LRRC4C: variants seen among roughly 807,000 people sequenced by gnomAD.
LRRC4C encodes leucine-rich repeat-containing protein 4C.
In LRRC4C, 5 loss-of-function variants were observed where a neutral mutation model predicts 33.6. That is an observed-to-expected ratio of 0.15 (90% CI 0.08 to 0.31). The LOEUF is 0.31. Among genes scored for constraint, LRRC4C ranks in the 10% least tolerant of loss-of-function variants. LRRC4C has a pLI of 1.00. For synonymous variants in LRRC4C, 329 were observed against 302.0 expected, an observed-to-expected ratio of 1.09 and a Z score of -0.93; for missense variants, 560 against 796.7, an observed-to-expected ratio of 0.70 and a Z score of 3.58.
At chr11:40,895,452 G>A (rs113961399) in intron 2 of LRRC4C, among the ~76,000 whole-genome samples, 11 of 151,994 alleles carry the variant, frequency 7.2e-5, no homozygotes, top group East Asian at 1.9e-4. Flanking sequence ...ACATCCTATC[G>A]CTTTTGCAGA....
intron 2 of LRRC4C, among the ~76,000 whole-genome samples, chr11:40,685,217 G>A (rs1211088470): frequency 6.6e-6 from 1 of 151,920 alleles, no homozygotes; most frequent in East Asian, 1.9e-4. Context: ...TTCTTTGAAG[G>A]CCAAATTATT....
At chr11:40,199,358 A>T (rs1436536747) in intron 5 of LRRC4C, among the ~76,000 whole-genome samples, 1 of 152,208 alleles carries the variant, frequency 6.6e-6, no homozygotes, top group Non-Finnish European at 1.5e-5. Context: ...GTAGTGAACC[A>T]CTGCGCCCAG....
intron 3 of LRRC4C, among the ~76,000 whole-genome samples, chr11:40,388,935 G>A (rs1018791131): frequency 2.6e-5 from 4 of 152,076 alleles, no homozygotes; most frequent in African/African-American, 9.7e-5. Context: ...AGTTCAATGT[G>A]TTTATTTTGT....
At chr11:41,351,320 A>G (rs1425934790) in intron 1 of LRRC4C, among the ~76,000 whole-genome samples, 1 of 152,128 alleles carries the variant, frequency 6.6e-6, no homozygotes, top group Admixed American at 6.6e-5. Context: ...ATGGGGAAAA[A>G]AGCCTCTGGG....
chr11:40,599,135 C>T lies in LRRC4C; in HGVS notation c.-270+49007G>A, dbSNP rs78719913. ...TTTACTTAGACAGCCCTTCATGTTA[C>T]AGCTCAAATGTCCCCTCAGAAGGGC... On this transcript the variant is annotated intron_variant, in intron 3 of 6. Transcript: ENST00000528697. Among the ~76,000 whole-genome samples the T allele has an allele frequency of 7.7e-3, 1,166 of 152,154 alleles. 12 individuals carry two copies. The highest frequency in any genetic ancestry group is 0.026 in the African/African-American group (1,086 of 41,514).
chr11:40,491,630 T>G (rs1954161541), intron 3 of LRRC4C, among the ~76,000 whole-genome samples: 1 of 152,190 alleles, frequency 6.6e-6, no homozygotes, highest in South Asian at 2.1e-4. Flanking sequence ...ATTTGATTCT[T>G]CAAGGATAAT....
intron 1 of LRRC4C, among the ~76,000 whole-genome samples, chr11:41,165,056 C>T (rs1015681330): frequency 5.3e-5 from 8 of 152,146 alleles, no homozygotes; most frequent in Admixed American, 3.9e-4. Flanking sequence ...GTGCTTAGTG[C>T]AACGTGACGT....
chr11:40,458,287 G>C (rs1440122), intron 3 of LRRC4C, among the ~76,000 whole-genome samples: 2,477 of 152,110 alleles, frequency 0.016, 78 homozygotes, highest in African/African-American at 0.056. Flanking sequence ...TCATATATAC[G>C]TATAATCATA....
intron 4 of LRRC4C, among the ~76,000 whole-genome samples, chr11:40,263,153 T>C (rs879422978): frequency 6.6e-6 from 1 of 152,086 alleles, no homozygotes; most frequent in Non-Finnish European, 1.5e-5. Flanking sequence ...CTAATTCTTA[T>C]AGTAGTGATT....
chr11:40,598,834 G>T (rs1267465516), intron 3 of LRRC4C, among the ~76,000 whole-genome samples: 3 of 152,070 alleles, frequency 2.0e-5, no homozygotes, highest in Non-Finnish European at 4.4e-5. Flanking sequence ...AACACAGAAG[G>T]TGCTCTCACC....
chr11:41,042,793 A>G (rs984143309), intron 1 of LRRC4C, among the ~76,000 whole-genome samples: 1 of 152,052 alleles, frequency 6.6e-6, no homozygotes, highest in African/African-American at 2.4e-5. Context: ...AAATGTTTCT[A>G]TCTTGCATTA....
At chr11:40,275,285 T>C (rs1943019979) in intron 4 of LRRC4C, among the ~76,000 whole-genome samples, 1 of 151,638 alleles carries the variant, frequency 6.6e-6, no homozygotes, top group Admixed American at 6.5e-5. Flanking sequence ...TTGCTGCATA[T>C]TAGAATAATA....
At chr11:41,025,743 A>G (rs1856299953) in intron 1 of LRRC4C, among the ~76,000 whole-genome samples, 1 of 151,770 alleles carries the variant, frequency 6.6e-6, no homozygotes, top group African/African-American at 2.4e-5. Flanking sequence ...TGTCAAGGAG[A>G]CAGCCTTATA....
At chr11:41,237,731 G>A (rs902498085) in intron 1 of LRRC4C, among the ~76,000 whole-genome samples, 2 of 152,052 alleles carry the variant, frequency 1.3e-5, no homozygotes, top group African/African-American at 4.8e-5. Context: ...CCAATTCACG[G>A]TGACTTTTTC....
chr11:40,861,880 A>G (rs1267567894), intron 2 of LRRC4C, among the ~76,000 whole-genome samples: 3 of 152,130 alleles, frequency 2.0e-5, no homozygotes, highest in Non-Finnish European at 4.4e-5. Context: ...CTTTAAACAA[A>G]CAGTTCTCAG....
At chr11:40,805,208 T>G (rs893455670) in intron 2 of LRRC4C, among the ~76,000 whole-genome samples, 1 of 152,158 alleles carries the variant, frequency 6.6e-6, no homozygotes, top group African/African-American at 2.4e-5. Context: ...GTTTGCTGAG[T>G]GGCTGAGATT....
intron 2 of LRRC4C, among the ~76,000 whole-genome samples, chr11:40,887,965 AG>A (rs1955538079): frequency 6.6e-6 from 1 of 151,904 alleles, no homozygotes; most frequent in Non-Finnish European, 1.5e-5. Flanking sequence ...AACATGTAAA[AG>A]TTTGGTTATT....
intron 2 of LRRC4C, among the ~76,000 whole-genome samples, chr11:40,694,749 A>G (rs752175229): frequency 4.6e-5 from 7 of 152,252 alleles, no homozygotes; most frequent in Admixed American, 6.5e-5. Context: ...GCACCTATAC[A>G]TTGCAGCACA....
intron 1 of LRRC4C, among the ~76,000 whole-genome samples, chr11:41,433,800 T>C (rs1435355318): frequency 1.3e-5 from 2 of 149,662 alleles, no homozygotes; most frequent in East Asian, 1.9e-4. Context: ...CTCCCATATA[T>C]ATGTGTGTGT....
Sources: gnomAD v4.1 joint callset for allele counts (sites outside exome capture counted in the v4.1 genomes callset) on GRCh38, gnomAD v4.1.1 for gene constraint, MANE v1.5 for transcripts, NCBI Gene and HGNC (gene_info 2026-07-23, HGNC 2026-07-21) for gene names.